Variants in GPC6 observed in about 807,000 individuals in gnomAD.
The protein encoded by GPC6 is glypican 6, also known as glypican-6.
Under a neutral mutation model 55.2 loss-of-function variants are expected in GPC6, and 14 were observed. The ratio of observed to expected loss-of-function variants is 0.25; its 90% CI spans 0.17 to 0.40. GPC6 has a LOEUF of 0.40. Ranked by LOEUF, GPC6 falls within the 10% of genes least tolerant of loss-of-function variation. The pLI is 1.00. For synonymous variants in GPC6, 278 were observed against 259.6 expected, an observed-to-expected ratio of 1.07 and a Z score of -0.68; for missense variants, 641 against 708.5, an observed-to-expected ratio of 0.90 and a Z score of 1.08.
At chr13:93,813,354 G>T (rs1886755018) in intron 2 of GPC6, among the ~76,000 whole-genome samples, 1 of 152,080 alleles carries the variant, frequency 6.6e-6, no homozygotes, top group Admixed American at 6.5e-5. Context: ...GGAGGTGGAG[G>T]TTGCAGTGAG....
intron 1 of GPC6, among the ~76,000 whole-genome samples, chr13:93,236,899 T>C (rs1046356025): frequency 2.6e-5 from 4 of 152,204 alleles, no homozygotes; most frequent in African/African-American, 4.8e-5. Flanking sequence ...AAAGACATGA[T>C]TTCATTTTTT....
intron 2 of GPC6, among the ~76,000 whole-genome samples, chr13:93,797,270 A>G (rs2138931590): frequency 6.6e-6 from 1 of 152,312 alleles, no homozygotes; most frequent in Middle Eastern, 3.4e-3. Context: ...CACATTGTGT[A>G]CCAAGGGTAA....
At chr13:94,062,532 T>C (rs985271330) in intron 4 of GPC6, among the ~76,000 whole-genome samples, 5 of 152,200 alleles carry the variant, frequency 3.3e-5, no homozygotes, top group African/African-American at 1.2e-4. Flanking sequence ...ATTACAGGCA[T>C]GAACCACTGC....
At chr13:93,869,681 A>G (rs948960753) in intron 3 of GPC6, among the ~76,000 whole-genome samples, 5 of 151,858 alleles carry the variant, frequency 3.3e-5, no homozygotes, top group African/African-American at 1.2e-4. Context: ...ATGCATCTGA[A>G]TATTTCAAAT....
intron 1 of GPC6, among the ~76,000 whole-genome samples, chr13:93,437,709 T>C (rs896215119): frequency 1.3e-5 from 2 of 152,132 alleles, no homozygotes; most frequent in Non-Finnish European, 2.9e-5. Context: ...CAAAGTTCAA[T>C]GTGAAGCAGC....
chr13:93,792,598 ACAGCACC>A (rs1886078702), intron 2 of GPC6, among the ~76,000 whole-genome samples: 1 of 152,244 alleles, frequency 6.6e-6, no homozygotes, highest in Non-Finnish European at 1.5e-5. Flanking sequence ...GGCATGAGCC[ACAGCACC>A]CAGCCCAGGT....
chr13:93,240,932 C>T (rs868862275), intron 1 of GPC6, among the ~76,000 whole-genome samples: 1 of 152,090 alleles, frequency 6.6e-6, no homozygotes, highest in African/African-American at 2.4e-5. Flanking sequence ...TTCTTGGTGA[C>T]CATTACTCTG....
At position 93,302,126 on chromosome 13, in the gene GPC6, G is replaced by C. The variant is rs530390107; in HGVS notation, c.160+74510G>C. Among the ~76,000 whole-genome samples, 18 of 152,286 alleles carry C rather than the reference G, an allele frequency of 1.2e-4. No homozygotes were observed. The East Asian group carries it at 2.7e-3, about 23-fold the overall frequency. ...GCTTTATGAGGGCCTCTGTTTATGA[G>C]CAAGGATGGGATGTGGGAATGCTGT... On this transcript the variant is annotated intron_variant, in intron 1 of 8. Coordinates refer to ENST00000377047, the MANE Select transcript of GPC6 (RefSeq NM_005708.5).
chr13:94,117,310 A>G (rs1015178035), intron 4 of GPC6, among the ~76,000 whole-genome samples: 1 of 152,126 alleles, frequency 6.6e-6, no homozygotes, highest in Non-Finnish European at 1.5e-5. Flanking sequence ...AAGGTGTTGT[A>G]TCCTGAATAA....
chr13:93,658,502 T>A (rs1394316896), intron 2 of GPC6, among the ~76,000 whole-genome samples: 1 of 151,964 alleles, frequency 6.6e-6, no homozygotes, highest in Non-Finnish European at 1.5e-5. Flanking sequence ...CAGAAATTTG[T>A]ATTTCCAGCT....
chr13:93,222,937 A>T (rs1875660073), upstream of GPC6, among the ~76,000 whole-genome samples: 2 of 151,714 alleles, frequency 1.3e-5, no homozygotes, highest in African/African-American at 4.8e-5. Flanking sequence ...CTTGTCTCTT[A>T]CGCAAAAGAT....
intron 3 of GPC6, among the ~76,000 whole-genome samples, chr13:93,863,071 G>GTGATA (rs1349964191): frequency 6.6e-6 from 1 of 151,590 alleles, no homozygotes; most frequent in Non-Finnish European, 1.5e-5. Flanking sequence ...TTTAATCAAG[G>GTGATA]TGATATGATA....
At chr13:93,242,233 G>A (rs1594048202) in intron 1 of GPC6, among the ~76,000 whole-genome samples, 1 of 152,290 alleles carries the variant, frequency 6.6e-6, no homozygotes, top group Admixed American at 6.5e-5. Flanking sequence ...TGTAGCCTAG[G>A]GAGTTCCCAT....
intron 1 of GPC6, among the ~76,000 whole-genome samples, chr13:93,295,534 G>T (rs934016767): frequency 6.6e-6 from 1 of 152,060 alleles, no homozygotes; most frequent in South Asian, 2.1e-4. Flanking sequence ...AGTCTGGAGT[G>T]CAGTGGCGCG....
At chr13:94,286,215 G>T (rs1892525135) in intron 4 of GPC6, 134 bp from the exon 5 acceptor site, 1 of 768,342 alleles carries the variant, frequency 1.3e-6, no homozygotes, top group African/African-American at 1.7e-5. Context: ...TTTCATTTTG[G>T]ACTATATGAA....
chr13:93,817,645 G>T (rs976650380), intron 2 of GPC6, among the ~76,000 whole-genome samples: 1 of 152,072 alleles, frequency 6.6e-6, no homozygotes, highest in Non-Finnish European at 1.5e-5. Context: ...GATGGCTTGA[G>T]CTCAGGAGTT....
intron 2 of GPC6, among the ~76,000 whole-genome samples, chr13:93,736,435 T>G (rs532890191): frequency 1.3e-5 from 2 of 152,322 alleles, no homozygotes; most frequent in East Asian, 3.9e-4. Flanking sequence ...TTCAAGAGAA[T>G]GCATGCCACT....
chr13:93,870,035 C>T (rs1028104405), intron 3 of GPC6, among the ~76,000 whole-genome samples: 4 of 151,840 alleles, frequency 2.6e-5, no homozygotes, highest in Admixed American at 1.3e-4. Flanking sequence ...TGATGTTTCT[C>T]AAGATAAAAG....
chr13:93,864,449 C>T (rs9556334), intron 3 of GPC6, among the ~76,000 whole-genome samples: 32,832 of 151,530 alleles, frequency 0.22, 4,516 homozygotes, highest in Non-Finnish European at 0.29. Context: ...TGATAGTATA[C>T]ATCACTGCCT....
Sources: allele counts gnomAD v4.1 joint callset (sites outside exome capture counted in the v4.1 genomes callset), GRCh38; gene constraint gnomAD v4.1.1; transcripts MANE v1.5; gene names NCBI Gene and HGNC (gene_info 2026-07-23, HGNC 2026-07-21).